Variants in CELF2 observed in about 807,000 individuals in gnomAD.
CELF2 encodes CUG triplet repeat RNA-binding protein 2.
In CELF2, 8 loss-of-function variants were observed where a neutral mutation model predicts 62.6. The observed-to-expected ratio is 0.13, with a 90% CI of 0.07 to 0.23. The LOEUF (loss-of-function observed/expected upper bound fraction) is 0.23. Among genes scored for constraint, CELF2 ranks in the 10% least tolerant of loss-of-function variants. The pLI is 1.00. For missense variants in CELF2, 333 were observed against 671.0 expected (o/e 0.50, Z 5.56); for synonymous variants, 258 against 250.0 (o/e 1.03, Z -0.30).
chr10:10,529,355 T>C, the CELF2 span, among the ~76,000 whole-genome samples: 1 of 152,014 alleles, frequency 6.6e-6, no homozygotes, highest in African/African-American at 2.4e-5. Flanking sequence ...CTGGAAGACA[T>C]AAAGAACAAA....
At chr10:10,541,119 T>C in the CELF2 span, among the ~76,000 whole-genome samples, 1 of 151,292 alleles carries the variant, frequency 6.6e-6, no homozygotes. Context: ...GGTGGGTGCC[T>C]GTAGTCCCAG....
the CELF2 span, among the ~76,000 whole-genome samples, chr10:10,652,861 C>T: frequency 6.6e-6 from 1 of 151,632 alleles, no homozygotes; most frequent in Admixed American, 6.6e-5. Flanking sequence ...GGATCAAATT[C>T]ACACATAACA....
At chr10:10,959,178 G>A (rs940762836) in intron 2 of CELF2, among the ~76,000 whole-genome samples, 9 of 152,170 alleles carry the variant, frequency 5.9e-5, no homozygotes, top group Non-Finnish European at 1.3e-4. Flanking sequence ...CTACTCAGGA[G>A]GCTGAAGCAG....
chr10:10,862,737 A>G (rs1346844720), intron 1 of CELF2, among the ~76,000 whole-genome samples: 1 of 152,236 alleles, frequency 6.6e-6, no homozygotes, highest in Non-Finnish European at 1.5e-5. Flanking sequence ...TGTTGAGAGT[A>G]CCTGCTTTTA....
At chr10:11,141,042 T>C (rs1317558727) in intron 1 of CELF2, among the ~76,000 whole-genome samples, 1 of 152,178 alleles carries the variant, frequency 6.6e-6, no homozygotes, top group East Asian at 1.9e-4. Flanking sequence ...GTTGCTAACT[T>C]TTGTGTATTC....
At chr10:10,656,073 C>T in the CELF2 span, among the ~76,000 whole-genome samples, 23 of 149,866 alleles carry the variant, frequency 1.5e-4, 1 homozygote, top group South Asian at 2.4e-3. Context: ...CATGAACAGA[C>T]ACTTCTCAAA....
At chr10:11,183,332 C>T (rs1331542623) in intron 2 of CELF2, among the ~76,000 whole-genome samples, 1 of 152,214 alleles carries the variant, frequency 6.6e-6, no homozygotes, top group Non-Finnish European at 1.5e-5. Flanking sequence ...TACCACAGCT[C>T]ATCACCTCTC....
At chr10:10,749,002 T>C in the CELF2 span, among the ~76,000 whole-genome samples, 1 of 152,258 alleles carries the variant, frequency 6.6e-6, no homozygotes. Context: ...TATGAATTGT[T>C]CAGTTTACTG....
At chr10:10,887,595 A>AT (rs1387010033) in intron 1 of CELF2, among the ~76,000 whole-genome samples, 10 of 152,122 alleles carry the variant, frequency 6.6e-5, no homozygotes, top group Non-Finnish European at 1.0e-4. Flanking sequence ...CTGTTGGTCT[A>AT]TTTTTTTGTA....
At chr10:11,057,293 G>A (rs1382451084) in intron 1 of CELF2, among the ~76,000 whole-genome samples, 1 of 152,138 alleles carries the variant, frequency 6.6e-6, no homozygotes, top group African/African-American at 2.4e-5. Context: ...GGGGATGTGT[G>A]GGGTGGGGGG....
In CELF2 at chr10:11,270,224, A is replaced by G. The variant is rs181295877; in HGVS notation, c.619-442A>G. On this transcript the variant is annotated intron_variant, in intron 6 of 12. Transcript: ENST00000633077. This position sits in a 1 kb window ranked among gnomAD's most constrained non-coding sequence, Gnocchi z 5.8. ...AGTAAAAGATAAATGAATGAGAGACATGGCCATTCCCGTTACAGATTCTCC... is the reference window on the plus strand; with the variant it reads ...AGTAAAAGATAAATGAATGAGAGACGTGGCCATTCCCGTTACAGATTCTCC... Among the ~76,000 whole-genome samples the G allele has an allele frequency of 6.6e-6, 1 of 152,300 alleles. No homozygotes were observed. The highest frequency in any genetic ancestry group is 2.4e-5 in the African/African-American group (1 of 41,534).
At chr10:10,786,280 G>A in the CELF2 span, among the ~76,000 whole-genome samples, 1 of 152,096 alleles carries the variant, frequency 6.6e-6, no homozygotes, top group Non-Finnish European at 1.5e-5. Flanking sequence ...CATTACATGA[G>A]ATAATGCCCA....
chr10:10,823,852 T>C (rs1430130593), intron 1 of CELF2, among the ~76,000 whole-genome samples: 1 of 152,156 alleles, frequency 6.6e-6, no homozygotes, highest in Admixed American at 6.5e-5. Flanking sequence ...ATAAAACTTG[T>C]TCAAACACAC....
At chr10:10,956,944 A>T (rs555471122) in intron 2 of CELF2, among the ~76,000 whole-genome samples, 39 of 151,996 alleles carry the variant, frequency 2.6e-4, no homozygotes, top group African/African-American at 8.9e-4. Context: ...TTAAAAAAAA[A>T]AAAAGAAAAA....
intron 1 of CELF2, among the ~76,000 whole-genome samples, chr10:11,050,339 T>G (rs1040202042): frequency 6.6e-6 from 1 of 152,218 alleles, no homozygotes; most frequent in Non-Finnish European, 1.5e-5. Flanking sequence ...TTAAAAATCA[T>G]TAAACTACAT....
intron 8 of CELF2, among the ~76,000 whole-genome samples, chr10:11,286,208 A>AC (rs1489577637): frequency 1.3e-5 from 2 of 152,202 alleles, no homozygotes; most frequent in Admixed American, 1.3e-4. Context: ...GGCCATCAAC[A>AC]CAGCTCCATC....
the CELF2 span, among the ~76,000 whole-genome samples, chr10:10,616,719 T>TGTGAGAGA: frequency 7.3e-5 from 4 of 55,142 alleles, no homozygotes; most frequent in African/African-American, 1.7e-4. Context: ...TGTGTGTGTG[T>TGTGAGAGA]GAGAGAGAGA....
At chr10:10,864,772 C>T (rs1331575629) in intron 1 of CELF2, among the ~76,000 whole-genome samples, 2 of 152,176 alleles carry the variant, frequency 1.3e-5, no homozygotes, top group Non-Finnish European at 2.9e-5. Flanking sequence ...TAGAGAGACA[C>T]GAATATTCAG....
chr10:10,670,173 A>C, the CELF2 span, among the ~76,000 whole-genome samples: 1 of 152,100 alleles, frequency 6.6e-6, no homozygotes, highest in East Asian at 1.9e-4. Context: ...AAGTGCTGAG[A>C]TTACAGGCGT....
Sources: gnomAD v4.1 joint callset for allele counts (sites outside exome capture counted in the v4.1 genomes callset) on GRCh38, gnomAD v4.1.1 for gene constraint, Gnocchi (gnomAD v3.1) non-coding constraint, MANE v1.5 for transcripts, NCBI Gene and HGNC (gene_info 2026-07-23, HGNC 2026-07-21) for gene names.